Variants in CDH13 observed in about 807,000 individuals in gnomAD.
CDH13 encodes cadherin 13.
CDH13 carries 24 observed loss-of-function variants against 63.8 expected under a neutral mutation model. That is an observed-to-expected ratio of 0.38 (90% CI 0.27 to 0.53). CDH13 has a LOEUF of 0.53. Among genes scored for constraint, CDH13 ranks in the 20% least tolerant of loss-of-function variants. The probability of loss-of-function intolerance (pLI) is 0.85; values close to 1 mark genes in which losing one functional copy is unlikely to be tolerated. For synonymous variants in CDH13, 503 were observed against 355.3 expected, an observed-to-expected ratio of 1.42 and a Z score of -4.67; for missense variants, 1,049 against 903.1, an observed-to-expected ratio of 1.16 and a Z score of -2.07.
intron 8 of CDH13, among the ~76,000 whole-genome samples, chr16:83,634,813 C>T (rs1249031426): frequency 1.3e-5 from 2 of 152,170 alleles, no homozygotes; most frequent in East Asian, 1.9e-4. Flanking sequence ...TATGGTATGC[C>T]AGAGTTCGTT....
chr16:82,636,765 C>G (rs1274124024), intron 1 of CDH13, among the ~76,000 whole-genome samples: 1 of 152,156 alleles, frequency 6.6e-6, no homozygotes, highest in Non-Finnish European at 1.5e-5. Context: ...AAGCAAAACC[C>G]AAACCAAGAC....
At chr16:83,069,424 T>A (rs902049368) in intron 3 of CDH13, among the ~76,000 whole-genome samples, 2 of 152,186 alleles carry the variant, frequency 1.3e-5, no homozygotes, top group African/African-American at 4.8e-5. Context: ...ACCTACTACG[T>A]GCCAGGCATT....
At chr16:83,251,152 T>C (rs1032344033) in intron 5 of CDH13, among the ~76,000 whole-genome samples, 2 of 152,090 alleles carry the variant, frequency 1.3e-5, no homozygotes, top group African/African-American at 4.8e-5. Flanking sequence ...TGGGAAGTCA[T>C]TTCATAGATT....
intron 13 of CDH13, among the ~76,000 whole-genome samples, chr16:83,792,975 A>C (rs1916372757): frequency 6.6e-6 from 1 of 152,236 alleles, no homozygotes; most frequent in South Asian, 2.1e-4. Context: ...TGAAGTTCTT[A>C]GCAGAGGGCA....
intron 7 of CDH13, among the ~76,000 whole-genome samples, chr16:83,590,207 G>A (rs1488680046): frequency 1.3e-5 from 2 of 152,182 alleles, no homozygotes; most frequent in African/African-American, 4.8e-5. Flanking sequence ...GCTCTGGCTG[G>A]CTTTGGGGTG....
chr16:82,880,810 A>T (rs908048905), intron 2 of CDH13, among the ~76,000 whole-genome samples: 1 of 152,240 alleles, frequency 6.6e-6, no homozygotes, highest in Non-Finnish European at 1.5e-5. Flanking sequence ...AAGGCAAAGA[A>T]CATCTTTAAG....
chr16:83,776,426 G>A (rs117152253), intron 11 of CDH13, among the ~76,000 whole-genome samples: 163 of 152,292 alleles, frequency 1.1e-3, no homozygotes, highest in African/African-American at 3.6e-3. Flanking sequence ...TTGAGTTTGC[G>A]CTCTAACGAA....
chr16:83,281,488 A>C (rs917718542), intron 5 of CDH13, among the ~76,000 whole-genome samples: 1 of 152,168 alleles, frequency 6.6e-6, no homozygotes, highest in Non-Finnish European at 1.5e-5. Flanking sequence ...CTTGCCATTC[A>C]TGTGTTTACT....
intron 5 of CDH13, among the ~76,000 whole-genome samples, chr16:83,311,457 C>G (rs1488067690): frequency 1.3e-5 from 2 of 152,112 alleles, no homozygotes; most frequent in Non-Finnish European, 2.9e-5. Context: ...CTCCTTATAC[C>G]TTTTAATTGT....
At chr16:82,684,433 G>A (rs1004510751) in intron 1 of CDH13, among the ~76,000 whole-genome samples, 2 of 152,048 alleles carry the variant, frequency 1.3e-5, no homozygotes, top group South Asian at 2.1e-4. Context: ...AGATGTCTGC[G>A]GTGAGCAAGA....
chr16:83,767,797 C>T (rs13333023), intron 11 of CDH13, among the ~76,000 whole-genome samples: 36 of 152,150 alleles, frequency 2.4e-4, no homozygotes, highest in Middle Eastern at 3.4e-3. Flanking sequence ...TCAAAATAGG[C>T]GAATCTGTAG....
chr16:83,166,802 G>A (rs115659323), intron 4 of CDH13, among the ~76,000 whole-genome samples: 1 of 152,144 alleles, frequency 6.6e-6, no homozygotes, highest in Non-Finnish European at 1.5e-5. Flanking sequence ...AGCTTTTACA[G>A]AATGAGGTGT....
chr16:82,976,868 G>C (rs77565833), intron 2 of CDH13, among the ~76,000 whole-genome samples: 2,179 of 152,242 alleles, frequency 0.014, 51 homozygotes, highest in African/African-American at 0.051. Context: ...GGCTGCATTT[G>C]GTGAGTTGCG....
chr16:83,386,689 T>C (rs2091681016), intron 6 of CDH13, among the ~76,000 whole-genome samples: 1 of 152,158 alleles, frequency 6.6e-6, no homozygotes, highest in Non-Finnish European at 1.5e-5. Flanking sequence ...GAATTTTCCA[T>C]CATACAATTA....
chr16:83,108,942 C>T (rs1176223493), intron 3 of CDH13, among the ~76,000 whole-genome samples: 1 of 152,178 alleles, frequency 6.6e-6, no homozygotes, highest in South Asian at 2.1e-4. Flanking sequence ...GTTAATGCTT[C>T]CCTCATCAGC....
chr16:82,764,645 G>A lies in CDH13; in HGVS notation c.46-93717G>A, dbSNP rs191379559. 6.6e-5 allele frequency among the ~76,000 whole-genome samples: 10 copies of A among 152,320 alleles called. No individual in the cohort carries two copies. The East Asian group carries it at 1.5e-3, about 23-fold the overall frequency. ...GGCCCACAGTAGGTGCTCAATAAAC[G>A]TGTGTTGAATAATACATGAAGGACA... On this transcript the variant is annotated intron_variant, in intron 1 of 13. Transcript: ENST00000567109.
intron 4 of CDH13, 46 bp from the exon 5 acceptor site, chr16:83,217,299 T>C (rs924867999): frequency 2.6e-5 from 41 of 1,604,302 alleles, no homozygotes; most frequent in Non-Finnish European, 3.0e-5. Flanking sequence ...GTGCTTTCTC[T>C]GTGTTTTCCA....
intron 5 of CDH13, among the ~76,000 whole-genome samples, chr16:83,264,618 T>C (rs1436651221): frequency 1.3e-5 from 2 of 151,880 alleles, no homozygotes; most frequent in African/African-American, 4.8e-5. Flanking sequence ...GCAATAACTT[T>C]TAAGGTTCTT....
At chr16:83,053,203 T>A (rs1235181646) in intron 3 of CDH13, among the ~76,000 whole-genome samples, 1 of 152,206 alleles carries the variant, frequency 6.6e-6, no homozygotes, top group Non-Finnish European at 1.5e-5. Context: ...TGTCTTTATA[T>A]GGTATTCATT....
Sources: allele counts gnomAD v4.1 joint callset (sites outside exome capture counted in the v4.1 genomes callset), GRCh38; gene constraint gnomAD v4.1.1; transcripts MANE v1.5; gene names NCBI Gene and HGNC (gene_info 2026-07-23, HGNC 2026-07-21).